Variants in NR4A1 observed in about 807,000 individuals in gnomAD.
NR4A1 encodes nuclear receptor subfamily 4 group A member 1.
In NR4A1, 24 loss-of-function variants were observed where a neutral mutation model predicts 47.5. The ratio of observed to expected loss-of-function variants is 0.50; its 90% CI spans 0.37 to 0.71. NR4A1 has a LOEUF of 0.71. NR4A1 is among the 30% of genes least tolerant of loss of function. NR4A1 has a pLI of 0.00. For missense variants in NR4A1, 669 were observed against 788.6 expected (o/e 0.85, Z 1.82); for synonymous variants, 353 against 345.7 (o/e 1.02, Z -0.24).
chr12:52,041,750 C>G lies in NR4A1; in HGVS notation c.-83-60C>G. The G allele has an allele frequency of 4.0e-6, 5 of 1,258,652 alleles. No homozygotes were observed. In the South Asian group the frequency reaches 1.6e-4, roughly 40 times the overall value. The allele number at this position is 1,258,652 out of a possible 1,614,324, so 78.0% of individuals were successfully genotyped here. A position where few individuals can be genotyped will look rare whatever the true frequency, so the allele number is the denominator to read the frequency against. The stretch of plus-strand genomic sequence containing the variant: ...TTCCTGCGTGTCCTGGGCATGCTGT[C>G]TCCAGGGAATGTGCCTGCTGGCTGG... On this transcript the variant is annotated intron_variant, in intron 1 of 7. Coordinates refer to the NR4A1 transcript ENST00000360284.
chr12:52,038,426 G>T, intron 1 of NR4A1: 1 of 342,056 alleles, frequency 2.9e-6, no homozygotes, highest in South Asian at 3.4e-5. Flanking sequence ...AAATGCTGCA[G>T]AGGTGGTTTA....
chr12:52,029,882 A>G (rs1017124769), intron 1 of NR4A1, among the ~76,000 whole-genome samples: 1 of 152,198 alleles, frequency 6.6e-6, no homozygotes, highest in Non-Finnish European at 1.5e-5. Context: ...TGAGAGCAGG[A>G]GCAGCGTTAC....
intron 1 of NR4A1, among the ~76,000 whole-genome samples, chr12:52,023,112 TC>T: frequency 6.6e-6 from 1 of 152,288 alleles, no homozygotes; most frequent in Non-Finnish European, 1.5e-5. Flanking sequence ...TTTCACGGGT[TC>T]CCGTCTAGAC....
At chr12:52,030,228 G>A (rs79678098) in intron 1 of NR4A1, among the ~76,000 whole-genome samples, 2,322 of 152,190 alleles carry the variant, frequency 0.015, 60 homozygotes, top group African/African-American at 0.051. Flanking sequence ...TCTCTGAGGC[G>A]GGGGTCCCAG....
chr12:52,029,444 T>C (rs111917666), intron 1 of NR4A1, among the ~76,000 whole-genome samples: 2,039 of 152,192 alleles, frequency 0.013, 51 homozygotes, highest in African/African-American at 0.047. Flanking sequence ...ATCCAACATT[T>C]TGGGAGGCTG....
At position 52,054,561 on chromosome 12, in the gene NR4A1, G is replaced by GCTCCTCAGCCTC; in HGVS notation, c.240_251dup (p.Ser84_Ser87dup). 1 of 1,614,090 alleles carries GCTCCTCAGCCTC rather than the reference G, an allele frequency of 6.2e-7. No homozygotes were observed. Among genetic ancestry groups the GCTCCTCAGCCTC allele is most frequent in the Non-Finnish European group, 8.5e-7 (1 of 1,179,976 alleles). On this transcript the variant is annotated inframe_insertion, in exon 2 of 7. Coordinates refer to ENST00000394825, the MANE Select transcript of NR4A1 (RefSeq NM_173157.3). ...CAGCTGCCAGGAACAGTCCAGCCAT[G>GCTCCTCAGCCTC]CTCCTCAGCCTCCTCCTCGGCCTCC...
At chr12:52,028,835 G>A (rs1295998) in intron 1 of NR4A1, among the ~76,000 whole-genome samples, 2,483 of 152,100 alleles carry the variant, frequency 0.016, 24 homozygotes, top group Non-Finnish European at 0.024. Flanking sequence ...CCCGGGAAGC[G>A]GAGGTTGCAG....
chr12:52,046,022 C>T (rs1938620155), intron 2 of NR4A1, among the ~76,000 whole-genome samples: 2 of 152,226 alleles, frequency 1.3e-5, no homozygotes, highest in African/African-American at 4.8e-5. Context: ...AGGGCCACTT[C>T]TGAGCTGGAG....
upstream of NR4A1, among the ~76,000 whole-genome samples, chr12:52,048,988 C>G (rs931512367): frequency 1.3e-5 from 2 of 152,174 alleles, no homozygotes; most frequent in African/African-American, 4.8e-5. Flanking sequence ...ACTTCACATT[C>G]AACCAGTGGC....
intron 1 of NR4A1, among the ~76,000 whole-genome samples, chr12:52,033,939 C>T (rs561493162): frequency 2.0e-5 from 3 of 152,344 alleles, no homozygotes; most frequent in South Asian, 2.1e-4. Context: ...CTTTTACCCC[C>T]GCCCCCGAGG....
rs533933585 is a variant in NR4A1, at chr12:52,034,480, C to T, written c.-83-7330C>T. 4.6e-5 allele frequency among the ~76,000 whole-genome samples: 7 copies of T among 152,352 alleles called. No individual in the cohort carries two copies. The East Asian group carries it at 1.3e-3, about 29-fold the overall frequency. ...GACTCCCTGGGCCATGCACGTTGTT[C>T]ACCTTTTCTCTCCTCACCTTTCCTA... On this transcript the variant is annotated intron_variant, in intron 1 of 7. Transcript: ENST00000360284.
chr12:52,032,978 C>T (rs558794636), intron 1 of NR4A1, among the ~76,000 whole-genome samples: 30 of 152,344 alleles, frequency 2.0e-4, no homozygotes, highest in Non-Finnish European at 2.9e-4. Context: ...GCAGCAGACC[C>T]GAAGGAAGCT....
At chr12:52,050,899 G>A (rs1477058004), upstream of NR4A1, among the ~76,000 whole-genome samples, 1 of 152,194 alleles carries the variant, frequency 6.6e-6, no homozygotes, top group African/African-American at 2.4e-5. Context: ...ACACCCTAGG[G>A]CTCCAGGAAG....
rs190651761 is a variant in NR4A1 at position 52,039,272 on chromosome 12, G to A, written c.-83-2538G>A. 4.5e-4 allele frequency among the ~76,000 whole-genome samples: 69 copies of A among 152,340 alleles called. No homozygotes were observed. The East Asian group carries it at 0.013, about 28-fold the overall frequency. On this transcript the variant is annotated intron_variant, in intron 1 of 7. Transcript: ENST00000360284. ...ATAATAGTAATATGCCCACTTCTGG[G>A]TAGGGATATTGGCCAATGCAGAGCT...
intron 1 of NR4A1, among the ~76,000 whole-genome samples, chr12:52,035,414 T>C (rs937918976): frequency 3.6e-4 from 54 of 152,108 alleles, no homozygotes; most frequent in African/African-American, 1.3e-3. Context: ...CCTGTCTAAA[T>C]AAATGTATTT....
chr12:52,056,859 G>A (rs1331830996), intron 4 of NR4A1, 198 bp from the exon 5 acceptor site: 2 of 791,732 alleles, frequency 2.5e-6, no homozygotes, highest in African/African-American at 3.5e-5. Context: ...TCAGGCAGGT[G>A]GCCAATTAGA....
chr12:52,035,344 G>T (rs1371627935), intron 1 of NR4A1, among the ~76,000 whole-genome samples: 1 of 152,224 alleles, frequency 6.6e-6, no homozygotes, highest in Non-Finnish European at 1.5e-5. Flanking sequence ...GGAAAGGAGA[G>T]ACCTCTGTGG....
chr12:52,054,489 G>T lies in NR4A1; in HGVS notation c.161G>T (p.Ser54Ile). Residue 54 changes from serine (S) to isoleucine (I), a missense_variant, in exon 2 of 7, where the codon AGC becomes ATC. Coordinates refer to ENST00000394825, the MANE Select transcript of NR4A1 (RefSeq NM_173157.3). ...GCCCCCACTGCCCTGCCCAGCTTCA[G>T]CACCTTCATGGACGGCTACACAGGA... ...PAAPTALPSF[S>I]TFMDGYTGEF... 6.2e-7 allele frequency: 1 copy of T among 1,613,828 alleles called. No homozygotes were observed. Among genetic ancestry groups the T allele is most frequent in the African/African-American group, 1.3e-5 (1 of 75,028 alleles).
chr12:52,054,629 T>C lies in NR4A1; in HGVS notation c.301T>C (p.Phe101Leu). The C allele has an allele frequency of 6.2e-7, 1 of 1,614,136 alleles. No individual in the cohort carries two copies. Among genetic ancestry groups the C allele is most frequent in the South Asian group, 1.1e-5 (1 of 91,086 alleles). The change falls in exon 2 of 7, where the codon TTC (phenylalanine) becomes CTC (leucine). Residue 101 changes from phenylalanine to leucine, a missense_variant. Phe to Leu is a conservative substitution (Grantham distance 22). Coordinates refer to ENST00000394825, the MANE Select transcript of NR4A1 (RefSeq NM_173157.3). ...SSATSPASAS[F>L]KFEDFQVYGC... Reference sequence around the variant, plus strand: ...AGCCACCTCCCCTGCCTCTGCCTCCTTCAAGTTCGAGGACTTCCAGGTGTA... The same window carrying C: ...AGCCACCTCCCCTGCCTCTGCCTCCCTCAAGTTCGAGGACTTCCAGGTGTA...
Sources: gnomAD v4.1 joint callset for allele counts (sites outside exome capture counted in the v4.1 genomes callset) on GRCh38, gnomAD v4.1.1 for gene constraint, MANE v1.5 for transcripts, NCBI Gene and HGNC (gene_info 2026-07-23, HGNC 2026-07-21) for gene names.